The following PSMD14 variants were observed in gnomAD, a reference collection of about 807,000 sequenced individuals.
PSMD14 encodes proteasome 26S subunit, non-ATPase 14.
In PSMD14, 7 loss-of-function variants were observed where a neutral mutation model predicts 41.2. The ratio of observed to expected loss-of-function variants is 0.17; its 90% confidence interval spans 0.10 to 0.32. PSMD14 has a LOEUF of 0.32. PSMD14 is among the 10% of genes least tolerant of loss of function. PSMD14 has a pLI of 1.00. For synonymous variants in PSMD14, 114 were observed against 122.3 expected (o/e 0.93, Z 0.45); for missense variants, 139 against 375.6 (o/e 0.37, Z 5.21).
At chr2:161,364,243 C>G (rs1432593357) in intron 3 of PSMD14, among the ~76,000 whole-genome samples, 2 of 152,156 alleles carry the variant, frequency 1.3e-5, no homozygotes, top group Non-Finnish European at 2.9e-5. Context: ...GTGTGTCCCT[C>G]TGCTGATGTG....
At chr2:161,379,929 A>T (rs1683553244) in intron 7 of PSMD14, among the ~76,000 whole-genome samples, 1 of 152,004 alleles carries the variant, frequency 6.6e-6, no homozygotes, top group Non-Finnish European at 1.5e-5. Context: ...GTTGGCAGGG[A>T]GCTGCCCAGG....
intron 8 of PSMD14, among the ~76,000 whole-genome samples, chr2:161,389,887 T>TTGTTG (rs1553508195): frequency 2.5e-4 from 19 of 74,740 alleles, no homozygotes; most frequent in Non-Finnish European, 4.2e-4. Context: ...TTCTTTTTTG[T>TTGTTG]TGTTTTTTTT....
intron 7 of PSMD14, among the ~76,000 whole-genome samples, chr2:161,373,960 C>T (rs948962992): frequency 2.0e-5 from 3 of 151,700 alleles, no homozygotes; most frequent in African/African-American, 7.3e-5. Context: ...AAGATAGGCC[C>T]TGTTACCATT....
intron 8 of PSMD14, among the ~76,000 whole-genome samples, chr2:161,390,476 A>G (rs1301122215): frequency 6.6e-6 from 1 of 152,132 alleles, no homozygotes; most frequent in Non-Finnish European, 1.5e-5. Flanking sequence ...TAATAAAGCC[A>G]TGCTATTAGC....
At chr2:161,383,180 AG>A (rs1388519998) in intron 7 of PSMD14, 1 of 152,136 alleles carries the variant, frequency 6.6e-6, no homozygotes, top group African/African-American at 2.4e-5. Context: ...CAGTGCAAAA[AG>A]CAATTATAAA....
At chr2:161,399,337 G>C (rs1229130522) in intron 10 of PSMD14, among the ~76,000 whole-genome samples, 4 of 152,114 alleles carry the variant, frequency 2.6e-5, no homozygotes, top group Non-Finnish European at 4.4e-5. Context: ...AACATTTACT[G>C]AGTGTTTGTT....
At chr2:161,354,455 G>C (rs1317224166) in intron 3 of PSMD14, among the ~76,000 whole-genome samples, 4 of 151,992 alleles carry the variant, frequency 2.6e-5, no homozygotes, top group Non-Finnish European at 5.9e-5. Context: ...ATGTTGCCCA[G>C]GCTGCTGAAT....
intron 7 of PSMD14, among the ~76,000 whole-genome samples, chr2:161,374,418 A>G (rs1039508891): frequency 6.6e-6 from 1 of 152,068 alleles, no homozygotes; most frequent in Admixed American, 6.6e-5. Flanking sequence ...TGAAATCAAC[A>G]TAAATAATGA....
At chr2:161,354,946 G>A (rs1191361337) in intron 3 of PSMD14, among the ~76,000 whole-genome samples, 1 of 152,098 alleles carries the variant, frequency 6.6e-6, no homozygotes, top group Non-Finnish European at 1.5e-5. Flanking sequence ...ACCAAACTTA[G>A]GTGTGCTATA....
intron 3 of PSMD14, chr2:161,340,765 T>C: frequency 6.2e-7 from 1 of 1,612,076 alleles, no homozygotes; most frequent in South Asian, 1.1e-5. Context: ...CTCAAGCTTT[T>C]AAGATGCCAA....
intron 3 of PSMD14, among the ~76,000 whole-genome samples, chr2:161,350,725 C>T (rs1017521913): frequency 2.6e-5 from 4 of 152,168 alleles, no homozygotes; most frequent in Non-Finnish European, 4.4e-5. Flanking sequence ...TATAGTTAAT[C>T]ACTAGATTGC....
intron 1 of PSMD14, among the ~76,000 whole-genome samples, chr2:161,310,018 G>A (rs924190269): frequency 1.3e-5 from 2 of 152,080 alleles, no homozygotes; most frequent in Non-Finnish European, 2.9e-5. Context: ...AAAATCAGCC[G>A]GGCATGGTGG....
intron 7 of PSMD14, among the ~76,000 whole-genome samples, chr2:161,379,809 AG>A (rs1683551452): frequency 6.6e-6 from 1 of 152,080 alleles, no homozygotes; most frequent in South Asian, 2.1e-4. Context: ...GCTAGTGCTC[AG>A]AAAATTTCAG....
chr2:161,321,610 T>C (rs913705804), intron 3 of PSMD14, among the ~76,000 whole-genome samples: 1 of 152,160 alleles, frequency 6.6e-6, no homozygotes, highest in African/African-American at 2.4e-5. Flanking sequence ...CCCCAAGCCA[T>C]CCACACTTTG....
intron 7 of PSMD14, among the ~76,000 whole-genome samples, chr2:161,376,222 T>G (rs1265192066): frequency 6.6e-6 from 1 of 151,514 alleles, no homozygotes; most frequent in Non-Finnish European, 1.5e-5. Flanking sequence ...CTTTACAGTG[T>G]GACCTTGAAC....
intron 7 of PSMD14, among the ~76,000 whole-genome samples, chr2:161,376,048 T>C (rs1386474765): frequency 6.6e-6 from 1 of 151,088 alleles, no homozygotes; most frequent in Non-Finnish European, 1.5e-5. Context: ...GTACTCAGTT[T>C]ACTCAAATAG....
intron 10 of PSMD14, among the ~76,000 whole-genome samples, chr2:161,398,637 C>T (rs142369120): frequency 7.4e-4 from 112 of 151,864 alleles, no homozygotes; most frequent in Admixed American, 3.7e-3. Flanking sequence ...AGCATAGAAA[C>T]AAAAATTTGC....
chr2:161,349,734 T>C (rs1683093028), intron 3 of PSMD14, among the ~76,000 whole-genome samples: 1 of 152,124 alleles, frequency 6.6e-6, no homozygotes, highest in Non-Finnish European at 1.5e-5. Flanking sequence ...AGCTGAGGTG[T>C]GCTCCTCAGA....
intron 7 of PSMD14, chr2:161,384,318 A>G (rs1683607124): frequency 6.6e-6 from 1 of 151,656 alleles, no homozygotes; most frequent in South Asian, 2.1e-4. Flanking sequence ...ATCTTTTACA[A>G]AGGGTGATTT....
Sources: allele counts gnomAD v4.1 joint callset (sites outside exome capture counted in the v4.1 genomes callset), GRCh38; gene constraint gnomAD v4.1.1; transcripts MANE v1.5; gene names NCBI Gene and HGNC (gene_info 2026-07-23, HGNC 2026-07-21).